GVQW3: variants seen among roughly 807,000 people sequenced by gnomAD.
GVQW3 encodes protein GVQW3.
A neutral mutation model predicts 12.5 loss-of-function variants in GVQW3; 7 were observed. That is an observed-to-expected ratio of 0.56 (90% CI 0.32 to 1.05). GVQW3 has a LOEUF of 1.05. GVQW3 is among the 50% of genes least tolerant of loss of function. The probability of loss-of-function intolerance (pLI) is 0.04; values close to 1 mark genes in which losing one functional copy is unlikely to be tolerated. For missense variants in GVQW3, 188 were observed against 190.8 expected (o/e 0.99, Z 0.09); for synonymous variants, 71 against 67.2 (o/e 1.06, Z -0.28).
At position 76,407,064 on chromosome 11, in the gene GVQW3, T is replaced by C. The variant is rs1187990175; in HGVS notation, c.*3306T>C. 1 of 152,020 alleles carries C rather than the reference T, an allele frequency of 6.6e-6. No individual in the cohort carries two copies. Among genetic ancestry groups the C allele is most frequent in the Non-Finnish European group, 1.5e-5 (1 of 67,976 alleles). 9.4% of individuals were successfully genotyped at this position (152,020 alleles called of 1,614,324 possible). On this transcript the variant is annotated 3_prime_UTR_variant, in exon 2 of 2. Coordinates refer to ENST00000529331, the MANE Select transcript of GVQW3 (RefSeq NM_001347885.2). Reference sequence around the variant, plus strand: ...AATAAATAAATATGCCCTCCCAGGTTGACATCTTGGAAGAGGATAACTCTA... The same window carrying C: ...AATAAATAAATATGCCCTCCCAGGTCGACATCTTGGAAGAGGATAACTCTA...
rs1303292934 is a variant in GVQW3 at position 76,405,636 on chromosome 11, C to T, written c.*1878C>T. On this transcript the variant is annotated 3_prime_UTR_variant, in exon 2 of 2. Transcript: ENST00000529331. ...CCTCTAAAGTCTTGTCTTGGAGTCA[C>T]ATGAGGTCCAAGTGGGCTTGATGAA... 6.6e-6 allele frequency: 1 copy of T among 152,418 alleles called. No homozygotes were observed. Among genetic ancestry groups the T allele is most frequent in the Non-Finnish European group, 1.5e-5 (1 of 68,260 alleles). The allele number at this position is 152,418 out of a possible 1,614,324, so 9.4% of individuals were successfully genotyped here.
intron 1 of GVQW3, among the ~76,000 whole-genome samples, chr11:76,393,691 T>C (rs1946914265): frequency 6.6e-6 from 1 of 152,018 alleles, no homozygotes; most frequent in Non-Finnish European, 1.5e-5. Flanking sequence ...CCTACCACCA[T>C]GTAAAATGCA....
chr11:76,395,950 C>G (rs1946935244), intron 1 of GVQW3, among the ~76,000 whole-genome samples: 1 of 152,152 alleles, frequency 6.6e-6, no homozygotes, highest in Non-Finnish European at 1.5e-5. Context: ...TGAAATATGT[C>G]TTGCCACTCT....
At chr11:76,402,209 T>G (rs1489174271) in intron 1 of GVQW3, among the ~76,000 whole-genome samples, 1 of 152,190 alleles carries the variant, frequency 6.6e-6, no homozygotes, top group Non-Finnish European at 1.5e-5. Context: ...CCTTTTCATT[T>G]CTGATGTCTA....
intron 1 of GVQW3, among the ~76,000 whole-genome samples, chr11:76,397,886 G>C (rs959220441): frequency 2.0e-5 from 3 of 152,158 alleles, no homozygotes; most frequent in Non-Finnish European, 2.9e-5. Flanking sequence ...TGTAATTCCA[G>C]CACTTTGGGA....
intron 1 of GVQW3, chr11:76,383,031 C>G (rs1946794369): frequency 6.5e-6 from 1 of 152,782 alleles, no homozygotes. Context: ...CTGATCTTCT[C>G]ACAGGCCTAC....
At chr11:76,394,582 A>G (rs1423359244) in intron 1 of GVQW3, among the ~76,000 whole-genome samples, 3 of 152,156 alleles carry the variant, frequency 2.0e-5, no homozygotes, top group Non-Finnish European at 2.9e-5. Context: ...TTCTTTATCT[A>G]TTCATCTGTT....
chr11:76,382,360 T>C (rs1269922657), intron 1 of GVQW3, 67 bp downstream of exon 1: 1 of 1,029,956 alleles, frequency 9.7e-7, no homozygotes, highest in African/African-American at 1.6e-5. Flanking sequence ...CCTGCCGGTA[T>C]CCCATCCCAG....
chr11:76,390,660 A>G (rs560885191), intron 1 of GVQW3, among the ~76,000 whole-genome samples: 58 of 142,648 alleles, frequency 4.1e-4, no homozygotes, highest in African/African-American at 1.8e-3. Flanking sequence ...CGTCTCTACT[A>G]AAAAAATACG....
At chr11:76,394,914 G>A (rs1230964914) in intron 1 of GVQW3, 1 of 152,136 alleles carries the variant, frequency 6.6e-6, no homozygotes, top group East Asian at 1.9e-4. Context: ...TCTTATTGTA[G>A]CAATGCACAT....
At position 76,381,664 on chromosome 11, in the gene GVQW3, G is replaced by T. The variant is rs979567044; in HGVS notation, c.-165G>T. ...CGGATCTCCCCAGCCTCGACTGGAA[G>T]CTGAGGGACAAAAATTCATAAAAGC... On this transcript the variant is annotated 5_prime_UTR_variant, in exon 1 of 2. Transcript: ENST00000529331. 41 of 649,596 alleles carry T rather than the reference G, an allele frequency of 6.3e-5. No homozygotes were observed. The highest frequency in any genetic ancestry group is 1.0e-4 in the Non-Finnish European group (40 of 398,082). 40.2% of individuals were successfully genotyped at this position (649,596 alleles called of 1,614,324 possible). A position where few individuals can be genotyped will look rare whatever the true frequency, so the allele number is the denominator to read the frequency against.
chr11:76,382,323 C>T, intron 1 of GVQW3, 30 bp downstream of exon 1: 1 of 1,376,810 alleles, frequency 7.3e-7, no homozygotes, highest in South Asian at 1.2e-5. Context: ...GGAGTTATCT[C>T]CAGGGTGAAG....
Position 76,388,593 on chromosome 11 carries a change from C to G in GVQW3, c.465+6300C>G, listed in dbSNP as rs1280146555. Among the ~76,000 whole-genome samples, 5 of 151,376 alleles carry G rather than the reference C, an allele frequency of 3.3e-5. No individual in the cohort carries two copies. In the Admixed American group the frequency reaches 3.3e-4, roughly 10 times the overall value. ...CACTCAACAATTTTTTATTGAGTGG[C>G]TGTATGGGCCAGATGCTATCTTGTG... On this transcript the variant is annotated intron_variant, in intron 1 of 1. Transcript: ENST00000529331.
intron 1 of GVQW3, among the ~76,000 whole-genome samples, chr11:76,387,858 G>A (rs1946851242): frequency 6.6e-6 from 1 of 152,198 alleles, no homozygotes. Context: ...AGGAGGTCCA[G>A]GCTGCAGTGA....
intron 1 of GVQW3, among the ~76,000 whole-genome samples, chr11:76,399,638 C>G (rs2134557229): frequency 6.6e-6 from 1 of 152,214 alleles, no homozygotes; most frequent in Admixed American, 6.5e-5. Flanking sequence ...AGCAGACTGC[C>G]CTTTCTAATA....
chr11:76,404,218 A>G lies in GVQW3; in HGVS notation c.*460A>G. On this transcript the variant is annotated 3_prime_UTR_variant, in exon 2 of 2. Coordinates refer to ENST00000529331, the MANE Select transcript of GVQW3 (RefSeq NM_001347885.2). ...TTCAATCTGTGACTGACAGTGAACA[A>G]TTGATTGAGATAACTCACTACCTTT... The G allele has an allele frequency of 2.6e-6, 1 of 389,230 alleles. No homozygotes were observed. Among genetic ancestry groups the G allele is most frequent in the Non-Finnish European group, 4.6e-6 (1 of 219,338 alleles). The allele number at this position is 389,230 out of a possible 1,614,324, so 24.1% of individuals were successfully genotyped here. A position where few individuals can be genotyped will look rare whatever the true frequency, so the allele number is the denominator to read the frequency against.
At chr11:76,390,913 C>T (rs1168328014) in intron 1 of GVQW3, among the ~76,000 whole-genome samples, 2 of 151,770 alleles carry the variant, frequency 1.3e-5, no homozygotes, top group Non-Finnish European at 2.9e-5. Context: ...ACAGTGTATA[C>T]GAGGCACACA....
In GVQW3 at chr11:76,403,948, T is replaced by C. The variant is rs753571795; in HGVS notation, c.*190T>C. 3 of 700,420 alleles carry C rather than the reference T, an allele frequency of 4.3e-6. No homozygotes were observed. The highest frequency in any genetic ancestry group is 7.8e-6 in the Non-Finnish European group (3 of 383,372). The allele number at this position is 700,420 out of a possible 1,614,324, so 43.4% of individuals were successfully genotyped here. Reference sequence around the variant, plus strand: ...TCCTCAATGAATTGGATGATGTCCATGCACATTAGGGAGGGCTGCCTCTTC... The same window carrying C: ...TCCTCAATGAATTGGATGATGTCCACGCACATTAGGGAGGGCTGCCTCTTC... On this transcript the variant is annotated 3_prime_UTR_variant, in exon 2 of 2. Coordinates refer to ENST00000529331, the MANE Select transcript of GVQW3 (RefSeq NM_001347885.2).
chr11:76,402,170 T>C (rs1165573940), intron 1 of GVQW3, among the ~76,000 whole-genome samples: 4 of 152,224 alleles, frequency 2.6e-5, no homozygotes, highest in Non-Finnish European at 4.4e-5. Flanking sequence ...GCCTAGGCAC[T>C]GGCTGTACCC....
Sources: allele counts gnomAD v4.1 joint callset (sites outside exome capture counted in the v4.1 genomes callset), GRCh38; gene constraint gnomAD v4.1.1; transcripts MANE v1.5; gene names NCBI Gene and HGNC (gene_info 2026-07-23, HGNC 2026-07-21).